The following MSRB3 variants were observed in gnomAD, a reference collection of about 807,000 sequenced individuals.
The protein encoded by MSRB3 is methionine sulfoxide reductase B3.
MSRB3 carries 13 observed loss-of-function variants against 21.0 expected under a neutral mutation model. The observed-to-expected ratio is 0.62, with a 90% CI of 0.40 to 0.98. The LOEUF is 0.98. MSRB3 is among the 50% of genes least tolerant of loss of function. MSRB3 has a pLI of 0.00. For missense variants in MSRB3, 199 were observed against 230.3 expected, an observed-to-expected ratio of 0.86 and a Z score of 0.88; for synonymous variants, 87 against 88.6, an observed-to-expected ratio of 0.98 and a Z score of 0.10.
At chr12:65,444,168 G>A (rs1041130078) in intron 5 of MSRB3, among the ~76,000 whole-genome samples, 11 of 152,052 alleles carry the variant, frequency 7.2e-5, no homozygotes, top group African/African-American at 2.7e-4. Flanking sequence ...TGGAAAGAAA[G>A]TACTACTGGG....
chr12:65,449,318 C>A (rs2136695011), intron 5 of MSRB3, among the ~76,000 whole-genome samples: 1 of 151,614 alleles, frequency 6.6e-6, no homozygotes, highest in East Asian at 1.9e-4. Context: ...TGGCAAGAGT[C>A]AGGACTCTAA....
At chr12:65,437,964 G>A (rs538279703) in intron 5 of MSRB3, among the ~76,000 whole-genome samples, 12 of 151,936 alleles carry the variant, frequency 7.9e-5, no homozygotes, top group African/African-American at 2.9e-4. Flanking sequence ...ACCATGAGGG[G>A]GATATCACTG....
At chr12:65,418,394 G>A (rs78398481) in intron 5 of MSRB3, among the ~76,000 whole-genome samples, 120 of 152,250 alleles carry the variant, frequency 7.9e-4, no homozygotes, top group Middle Eastern at 6.8e-3. Context: ...GTTATGTTTC[G>A]TATATTACAC....
At chr12:65,379,896 A>G (rs1878846132) in intron 5 of MSRB3, among the ~76,000 whole-genome samples, 1 of 152,214 alleles carries the variant, frequency 6.6e-6, no homozygotes, top group Non-Finnish European at 1.5e-5. Context: ...GTCAATTTGC[A>G]TGTGCATGTA....
chr12:65,313,043 G>T (rs892895981), intron 2 of MSRB3, among the ~76,000 whole-genome samples: 2 of 152,112 alleles, frequency 1.3e-5, no homozygotes, highest in African/African-American at 2.4e-5. Flanking sequence ...AAAAACAAAA[G>T]TGGCAACAGA....
intron 5 of MSRB3, among the ~76,000 whole-genome samples, chr12:65,399,934 G>T (rs1035046927): frequency 5.9e-5 from 9 of 152,172 alleles, no homozygotes; most frequent in Non-Finnish European, 8.8e-5. Context: ...AACCAGCCTT[G>T]CATCCCAGGG....
At chr12:65,346,393 G>T (rs1008195277) in intron 4 of MSRB3, among the ~76,000 whole-genome samples, 1 of 152,168 alleles carries the variant, frequency 6.6e-6, no homozygotes, top group African/African-American at 2.4e-5. Context: ...CTTTTGAGAA[G>T]TGTCTGTTCA....
In MSRB3 at chr12:65,341,140, A is replaced by G. The variant is rs151254577; in HGVS notation, c.263+12537A>G. The stretch of plus-strand genomic sequence containing the variant: ...ATTGCAGCACTGTTCACAATAGCCA[A>G]GATTTGGGAGCAACCTAAGTGTCCA... On this transcript the variant is annotated intron_variant, in intron 4 of 6. Transcript: ENST00000308259. Among the ~76,000 whole-genome samples, 703 of 152,290 alleles carry G rather than the reference A, an allele frequency of 4.6e-3. 6 individuals are homozygous for G. Among genetic ancestry groups the G allele is most frequent in the African/African-American group, 0.016 (679 of 41,570 alleles).
At position 65,453,741 on chromosome 12, in the gene MSRB3, C is replaced by T; in HGVS notation, c.306C>T (p.Phe102=). Residue 102 remains phenylalanine, a synonymous_variant, in exon 6 of 7, where the codon TTC becomes TTT. Transcript: ENST00000308259. ...KFDSGSGWPS[F]HDVINSEAIT... ...GCTGTGTCCCAGGTTGGCCTTCATT[C>T]CACGATGTGATCAATTCTGAGGCAA... is the stretch of plus-strand genomic sequence containing the variant. 6.2e-7 allele frequency: 1 copy of T among 1,614,020 alleles called. No homozygotes were observed. The highest frequency in any genetic ancestry group is 8.5e-7 in the Non-Finnish European group (1 of 1,179,954).
At chr12:65,347,737 CTT>C (rs1876619080) in intron 4 of MSRB3, among the ~76,000 whole-genome samples, 1 of 152,154 alleles carries the variant, frequency 6.6e-6, no homozygotes, top group Non-Finnish European at 1.5e-5. Context: ...ATAGATAACT[CTT>C]ATTATTTGCA....
At chr12:65,313,407 C>T (rs1460155717) in intron 2 of MSRB3, among the ~76,000 whole-genome samples, 1 of 152,078 alleles carries the variant, frequency 6.6e-6, no homozygotes, top group Admixed American at 6.5e-5. Flanking sequence ...TATATTAGTT[C>T]TTCAGAATCT....
chr12:65,358,542 G>T (rs1877520828), intron 4 of MSRB3, among the ~76,000 whole-genome samples: 1 of 151,670 alleles, frequency 6.6e-6, no homozygotes, highest in African/African-American at 2.4e-5. Context: ...ATCAATGTGG[G>T]GTGTATTTTT....
At chr12:65,432,639 A>T (rs1414850198) in intron 5 of MSRB3, among the ~76,000 whole-genome samples, 1 of 151,478 alleles carries the variant, frequency 6.6e-6, no homozygotes, top group African/African-American at 2.4e-5. Context: ...CGCCATCCCC[A>T]TTTGTAGCTT....
chr12:65,434,227 A>G (rs539397331), intron 5 of MSRB3, among the ~76,000 whole-genome samples: 85 of 151,840 alleles, frequency 5.6e-4, no homozygotes, highest in Non-Finnish European at 1.0e-3. Context: ...TCTTGACTCA[A>G]CCCCCTAATT....
intron 4 of MSRB3, among the ~76,000 whole-genome samples, chr12:65,352,468 A>G (rs929748436): frequency 2.4e-4 from 37 of 151,424 alleles, no homozygotes; most frequent in Non-Finnish European, 3.8e-4. Context: ...GGCCAGGGCA[A>G]TTAGGCAGGA....
At chr12:65,307,761 G>A (rs1370939) in intron 1 of MSRB3, among the ~76,000 whole-genome samples, 149,916 of 152,314 alleles carry the variant, frequency 0.98, 73,829 homozygotes, top group Middle Eastern at 1. Flanking sequence ...TACACTTTTT[G>A]AATTACTAAA....
chr12:65,391,987 T>C (rs1310082560), intron 5 of MSRB3, among the ~76,000 whole-genome samples: 1 of 152,214 alleles, frequency 6.6e-6, no homozygotes, highest in African/African-American at 2.4e-5. Flanking sequence ...ATTTTCCTGC[T>C]ACAGTAGTAC....
chr12:65,346,961 C>T (rs930163236), intron 4 of MSRB3, among the ~76,000 whole-genome samples: 6 of 152,092 alleles, frequency 3.9e-5, no homozygotes, highest in Non-Finnish European at 7.3e-5. Context: ...GTTTTGGTAC[C>T]AGTGCCATGC....
intron 2 of MSRB3, among the ~76,000 whole-genome samples, chr12:65,318,873 A>T (rs1039573588): frequency 6.6e-6 from 1 of 152,166 alleles, no homozygotes. Flanking sequence ...TAATAAAATG[A>T]CTACTACACA....
Sources: gnomAD v4.1 joint callset for allele counts (sites outside exome capture counted in the v4.1 genomes callset) on GRCh38, gnomAD v4.1.1 for gene constraint, MANE v1.5 for transcripts, NCBI Gene and HGNC (gene_info 2026-07-23, HGNC 2026-07-21) for gene names.